The following FGFR2 variants were observed in gnomAD, a reference collection of about 807,000 sequenced individuals.
FGFR2 encodes the protein BEK fibroblast growth factor receptor.
Under a neutral mutation model 95.9 loss-of-function variants are expected in FGFR2, and 19 were observed. That is an observed-to-expected ratio of 0.20 (90% confidence interval 0.14 to 0.29). The LOEUF is 0.29. Among genes scored for constraint, FGFR2 ranks in the 10% least tolerant of loss-of-function variants. The pLI is 1.00. For missense variants in FGFR2, 707 were observed against 1,056.9 expected, an observed-to-expected ratio of 0.67 and a Z score of 4.59; for synonymous variants, 392 against 393.3, an observed-to-expected ratio of 1.00 and a Z score of 0.04.
At chr10:121,589,267 A>G (rs1862276049) in intron 2 of FGFR2, among the ~76,000 whole-genome samples, 1 of 152,250 alleles carries the variant, frequency 6.6e-6, no homozygotes, top group African/African-American at 2.4e-5. Flanking sequence ...TACCCTGGCT[A>G]AACAAACACC....
At chr10:121,529,092 A>G (rs1851763402) in intron 6 of FGFR2, among the ~76,000 whole-genome samples, 1 of 151,558 alleles carries the variant, frequency 6.6e-6, no homozygotes, top group Non-Finnish European at 1.5e-5. Flanking sequence ...ACGCCTGGCT[A>G]ATTTTTAATA....
chr10:121,550,759 CAT>C (rs1855272503), intron 5 of FGFR2, among the ~76,000 whole-genome samples: 1 of 152,158 alleles, frequency 6.6e-6, no homozygotes, highest in Non-Finnish European at 1.5e-5. Flanking sequence ...AAACTCTCCT[CAT>C]ATGAAGAACA....
intron 10 of FGFR2, among the ~76,000 whole-genome samples, chr10:121,502,389 G>A (rs1370602519): frequency 1.1e-4 from 16 of 152,194 alleles, no homozygotes; most frequent in Non-Finnish European, 2.4e-4. Flanking sequence ...TGAGTGAGTG[G>A]TCTTTTCACT....
rs2133772366 is a variant in FGFR2, at chr10:121,483,821, C to T, written c.2196-18G>A. The T allele has an allele frequency of 6.3e-7, 1 of 1,588,618 alleles. No homozygotes were observed. Among genetic ancestry groups the T allele is most frequent in the South Asian group, 1.1e-5 (1 of 89,352 alleles). ...TCATGTACCTGGGAAAAATGGATTT[C>T]CTTGAATTAATTTCATATGCACTGG... On this transcript the variant is annotated intron_variant, in intron 16 of 17. Coordinates refer to ENST00000358487, the MANE Select transcript of FGFR2 (RefSeq NM_000141.5).
At chr10:121,534,262 G>A (rs1045012749) in intron 6 of FGFR2, among the ~76,000 whole-genome samples, 1 of 151,276 alleles carries the variant, frequency 6.6e-6, no homozygotes, top group African/African-American at 2.4e-5. Flanking sequence ...CCACCCCTGG[G>A]TAATTTTTGT....
Position 121,485,384 on chromosome 10 carries a change from A to G in FGFR2, c.2195+11T>C, listed in dbSNP as rs2133792901. ...CACTGGGGCACCGGCAGGAAAGACA[A>G]CAGCCCTTACAGTTCGTTGGTGCAG... On this transcript the variant is annotated intron_variant, in intron 16 of 17. Transcript: ENST00000358487. The surrounding 1 kb of genome is among the most constrained non-coding windows in gnomAD (Gnocchi z 4.2). 1 of 1,614,064 alleles carries G rather than the reference A, an allele frequency of 6.2e-7. No homozygotes were observed. Among genetic ancestry groups the G allele is most frequent in the Non-Finnish European group, 8.5e-7 (1 of 1,179,980 alleles).
Position 121,518,790 on chromosome 10 carries a change from G to C in FGFR2, c.939+1189C>G, listed in dbSNP as rs563769835. The C allele has an allele frequency of 3.1e-6, 5 of 1,614,170 alleles. No homozygotes were observed. The highest frequency in any genetic ancestry group is 1.3e-5 in the African/African-American group (1 of 75,040). On this transcript the variant is annotated intron_variant, in intron 7 of 17. Transcript: ENST00000358487. This position sits in a 1 kb window ranked among gnomAD's most constrained non-coding sequence, Gnocchi z 4.0. ...GCATCCGCCTCGGTCACATTGAACA[G>C]AGCCAGCACTTCTGCATTGGAACTA...
At chr10:121,483,585 T>G in intron 17 of FGFR2, 113 bp downstream of exon 17, 1 of 767,470 alleles carries the variant, frequency 1.3e-6, no homozygotes, top group Non-Finnish European at 2.3e-6. Flanking sequence ...GGAAAAAGAA[T>G]AAACAAGACC....
At chr10:121,541,456 GT>G (rs960633800) in intron 5 of FGFR2, among the ~76,000 whole-genome samples, 31 of 151,856 alleles carry the variant, frequency 2.0e-4, no homozygotes, top group Admixed American at 5.3e-4. Context: ...AAGTTTGGGG[GT>G]TTTTTTTCAT....
Position 121,593,766 on chromosome 10 carries a change from A to C in FGFR2, c.52T>G (p.Leu18Val), listed in dbSNP as rs1863028330. The change falls in exon 2 of 18, where the codon TTG becomes GTG. Residue 18 changes from leucine (L) to valine (V), a missense_variant. Around this residue, in one of 7 missense-constraint regions of FGFR2, gnomAD observed 178 missense variants for 194.1 expected, o/e 0.92. Coordinates refer to ENST00000358487, the MANE Select transcript of FGFR2 (RefSeq NM_000141.5). ...CTGAAGGAGGGCCGGGCCAGGGACA[A>C]GGTTGCCATGGTGACCACGACCAGG... is the stretch of plus-strand genomic sequence containing the variant. Reference protein sequence around the residue: ...ICLVVVTMATLSLARPSFSLV... With the variant: ...ICLVVVTMATVSLARPSFSLV... The C allele has an allele frequency of 2.5e-6, 4 of 1,614,052 alleles. No homozygotes were observed. The highest frequency in any genetic ancestry group is 3.4e-6 in the Non-Finnish European group (4 of 1,180,026).
intron 2 of FGFR2, among the ~76,000 whole-genome samples, chr10:121,578,636 G>A (rs1860321193): frequency 6.6e-6 from 1 of 152,244 alleles, no homozygotes; most frequent in Non-Finnish European, 1.5e-5. Flanking sequence ...TCAGCTGGGC[G>A]CTGTGGCTTA....
rs60584824 is a variant in FGFR2 at position 121,556,433 on chromosome 10, C to CTA, written c.455-4975_455-4974insTA. Among the ~76,000 whole-genome samples, 554 of 140,708 alleles carry CTA rather than the reference C, an allele frequency of 3.9e-3. 19 individuals carry two copies. Among genetic ancestry groups the CTA allele is most frequent in the African/African-American group, 0.014 (528 of 37,220 alleles). 92.3% of individuals were successfully genotyped at this position (140,708 alleles called of 152,430 possible). A position where few individuals can be genotyped will look rare whatever the true frequency, so the allele number is the denominator to read the frequency against. Reference sequence around the variant, plus strand: ...TCTCTCTCTCTCTCTCTCTCTCTCTCTGGAACCAAAAAACAGAGAACACGG... The same window carrying CTA: ...TCTCTCTCTCTCTCTCTCTCTCTCTCTATGGAACCAAAAAACAGAGAACACGG... On this transcript the variant is annotated intron_variant, in intron 4 of 17. Transcript: ENST00000358487.
At chr10:121,500,986 T>G in intron 10 of FGFR2, 39 bp from the exon 11 acceptor site, 1 of 1,611,516 alleles carries the variant, frequency 6.2e-7, no homozygotes, top group Non-Finnish European at 8.5e-7. Flanking sequence ...TAGCATCTGG[T>G]GATGGGGTGT....
At chr10:121,515,504 C>T (rs538424456) in intron 8 of FGFR2, among the ~76,000 whole-genome samples, 185 bp from the exon 9 acceptor site, 42 of 152,126 alleles carry the variant, frequency 2.8e-4, no homozygotes, top group Middle Eastern at 6.8e-3. Flanking sequence ...CCACCAGGAC[C>T]CAGGTAGTCA....
chr10:121,500,801 C>T (rs1475395985), intron 11 of FGFR2, 25 bp downstream of exon 11: 6 of 1,613,030 alleles, frequency 3.7e-6, no homozygotes, highest in South Asian at 1.1e-5. Flanking sequence ...CAGCCCCTCC[C>T]CGAGCCTCCC....
chr10:121,573,019 G>A (rs1859083326), intron 2 of FGFR2, among the ~76,000 whole-genome samples: 1 of 152,276 alleles, frequency 6.6e-6, no homozygotes, highest in Admixed American at 6.5e-5. Context: ...ATCTCAGCGG[G>A]AGGGTTGTCT....
intron 5 of FGFR2, among the ~76,000 whole-genome samples, chr10:121,545,308 A>G (rs1854338866): frequency 6.6e-6 from 1 of 152,240 alleles, no homozygotes; most frequent in African/African-American, 2.4e-5. Context: ...TGTTTTTACA[A>G]AACACGGAAC....
At chr10:121,508,277 C>T (rs1848585687) in intron 9 of FGFR2, among the ~76,000 whole-genome samples, 1 of 152,134 alleles carries the variant, frequency 6.6e-6, no homozygotes, top group African/African-American at 2.4e-5. Context: ...TAGATGAGGC[C>T]CTCTGCTCAC....
At chr10:121,547,412 T>C (rs1458622624) in intron 5 of FGFR2, among the ~76,000 whole-genome samples, 1 of 151,484 alleles carries the variant, frequency 6.6e-6, no homozygotes, top group Non-Finnish European at 1.5e-5. Context: ...TTTTTTTTTT[T>C]TTGACAGAGT....
Sources: gnomAD v4.1 joint callset for allele counts (sites outside exome capture counted in the v4.1 genomes callset) on GRCh38, gnomAD v4.1.1 for gene constraint, gnomAD v4.1.1 regional missense constraint, Gnocchi (gnomAD v3.1) non-coding constraint, MANE v1.5 for transcripts, NCBI Gene and HGNC (gene_info 2026-07-23, HGNC 2026-07-21) for gene names.